PRKD1: variants seen among roughly 807,000 people sequenced by gnomAD.
PRKD1 encodes the protein protein kinase D1, also known as serine/threonine-protein kinase D1.
PRKD1 carries 63 observed loss-of-function variants against 95.9 expected under a neutral mutation model. The ratio of observed to expected loss-of-function variants is 0.66; its 90% confidence interval spans 0.54 to 0.81. The LOEUF (loss-of-function observed/expected upper bound fraction) is 0.81. Among genes scored for constraint, PRKD1 ranks in the 30% least tolerant of loss-of-function variants. The probability of loss-of-function intolerance (pLI) is 0.00; values close to 1 mark genes in which losing one functional copy is unlikely to be tolerated. For synonymous variants in PRKD1, 425 were observed against 423.1 expected, an observed-to-expected ratio of 1.00 and a Z score of -0.05; for missense variants, 1,048 against 1,165.3, an observed-to-expected ratio of 0.90 and a Z score of 1.47.
At chr14:29,777,884 A>C (rs1228977168) in intron 1 of PRKD1, among the ~76,000 whole-genome samples, 1 of 152,162 alleles carries the variant, frequency 6.6e-6, no homozygotes, top group African/African-American at 2.4e-5. Flanking sequence ...AATTGACCAC[A>C]AAGTTGGAAG....
chr14:29,637,142 A>G (rs913243328), intron 6 of PRKD1, among the ~76,000 whole-genome samples: 1 of 152,230 alleles, frequency 6.6e-6, no homozygotes, highest in Non-Finnish European at 1.5e-5. Flanking sequence ...GAAGCTGCTC[A>G]TATTTTAGAA....
chr14:29,775,163 G>A (rs536092517), intron 1 of PRKD1, among the ~76,000 whole-genome samples: 16 of 152,262 alleles, frequency 1.1e-4, no homozygotes, highest in East Asian at 1.9e-4. Context: ...TGAGAGGACC[G>A]AGAGGTTCCA....
intron 2 of PRKD1, among the ~76,000 whole-genome samples, chr14:29,684,276 G>A (rs974714514): frequency 2.0e-5 from 3 of 151,350 alleles, no homozygotes; most frequent in Non-Finnish European, 2.9e-5. Context: ...TCAGCCTCCC[G>A]AGTAGCTGGG....
chr14:29,867,518 A>G (rs1433190669), intron 1 of PRKD1, among the ~76,000 whole-genome samples: 1 of 152,246 alleles, frequency 6.6e-6, no homozygotes, highest in Non-Finnish European at 1.5e-5. Context: ...ATGAAATACA[A>G]TGAAATGAGG....
intron 2 of PRKD1, among the ~76,000 whole-genome samples, chr14:29,717,508 A>G (rs1179186217): frequency 2.6e-5 from 4 of 152,176 alleles, no homozygotes; most frequent in African/African-American, 4.8e-5. Context: ...CTGAAAATCA[A>G]CTACTTATGA....
intron 1 of PRKD1, among the ~76,000 whole-genome samples, chr14:29,765,094 A>G (rs1594496633): frequency 6.6e-6 from 1 of 152,202 alleles, no homozygotes; most frequent in Admixed American, 6.5e-5. Context: ...TGCCTGGCAG[A>G]AGCAAATATA....
chr14:29,831,744 C>T (rs768335412), intron 1 of PRKD1, among the ~76,000 whole-genome samples: 8 of 151,958 alleles, frequency 5.3e-5, no homozygotes, highest in Non-Finnish European at 1.0e-4. Flanking sequence ...TACATTCATC[C>T]CTTCCTAAGT....
chr14:29,626,512 A>G lies in PRKD1; in HGVS notation c.1770T>C (p.Gly590=), dbSNP rs1283345458. 2 of 1,612,680 alleles carry G rather than the reference A, an allele frequency of 1.2e-6. No homozygotes were observed. The highest frequency in any genetic ancestry group is 1.7e-6 in the Non-Finnish European group (2 of 1,179,368). ...VYQIFPDEVL[G]SGQFGIVYGG... ...CATAAACAATTCCAAACTGTCCAGA[A>G]CCCAGTACTTCATCAGGAAAAATCT... is the stretch of plus-strand genomic sequence containing the variant. The change falls in exon 12 of 18, where the codon GGT becomes GGC. Residue 590 remains glycine, a synonymous_variant. Transcript: ENST00000331968.
chr14:29,600,931 T>A (rs1384553541), intron 13 of PRKD1, among the ~76,000 whole-genome samples: 1 of 151,918 alleles, frequency 6.6e-6, no homozygotes, highest in African/African-American at 2.4e-5. Context: ...AAAAAAAAAT[T>A]ATATATTCCA....
intron 1 of PRKD1, among the ~76,000 whole-genome samples, chr14:29,779,009 G>T (rs145443841): frequency 1.3e-5 from 2 of 152,226 alleles, no homozygotes; most frequent in East Asian, 1.9e-4. Context: ...ACGTAATCCA[G>T]CATATAAACA....
intron 2 of PRKD1, among the ~76,000 whole-genome samples, chr14:29,720,779 C>CAAAAA (rs199687649): frequency 1.4e-5 from 2 of 146,860 alleles, no homozygotes; most frequent in African/African-American, 2.6e-5. Flanking sequence ...GATTCTGTCT[C>CAAAAA]AAAAAAAATA....
chr14:29,832,909 C>G (rs1469917623), intron 1 of PRKD1, among the ~76,000 whole-genome samples: 3 of 151,822 alleles, frequency 2.0e-5, no homozygotes, highest in African/African-American at 7.3e-5. Flanking sequence ...CCTTTTGTAC[C>G]TAGGTATCAC....
chr14:29,914,971 A>T lies in PRKD1; in HGVS notation c.264+12278T>A, dbSNP rs141532441. Among the ~76,000 whole-genome samples, 442 of 151,890 alleles carry T rather than the reference A, an allele frequency of 2.9e-3. 4 individuals are homozygous for T. The highest frequency in any genetic ancestry group is 4.7e-3 in the Non-Finnish European group (321 of 67,922). On this transcript the variant is annotated intron_variant, in intron 1 of 17. Coordinates refer to ENST00000331968, the MANE Select transcript of PRKD1 (RefSeq NM_002742.3). ...GATCTCCTGACCTTGTGATCTGCCC[A>T]CCTCAGTCTCCCAAAGTGCTGGGAT...
intron 4 of PRKD1, among the ~76,000 whole-genome samples, chr14:29,641,961 T>A (rs1470092023): frequency 6.8e-6 from 1 of 146,776 alleles, no homozygotes; most frequent in African/African-American, 2.5e-5. Context: ...TGCAGTGCAA[T>A]GGGGCATTCT....
intron 2 of PRKD1, among the ~76,000 whole-genome samples, chr14:29,680,642 C>A (rs1309066854): frequency 6.6e-6 from 1 of 152,092 alleles, no homozygotes; most frequent in African/African-American, 2.4e-5. Context: ...GAAGGGAAAG[C>A]CCAAGTTTTA....
chr14:29,819,738 A>T (rs1248612794), intron 1 of PRKD1, among the ~76,000 whole-genome samples: 1 of 152,154 alleles, frequency 6.6e-6, no homozygotes, highest in African/African-American at 2.4e-5. Flanking sequence ...AAATAAAATA[A>T]AGCAAATGGG....
Position 29,640,396 on chromosome 14 carries a change from T to G in PRKD1, c.697-1492A>C, listed in dbSNP as rs149549856. Reference sequence around the variant, plus strand: ...TACTATTACCAAAAGTGAAAACTATTATTTCCAGATTCACTAGCTACAGTA... The same window carrying G: ...TACTATTACCAAAAGTGAAAACTATGATTTCCAGATTCACTAGCTACAGTA... On this transcript the variant is annotated intron_variant, in intron 4 of 17. Transcript: ENST00000331968. Among the ~76,000 whole-genome samples, 1,240 of 152,304 alleles carry G rather than the reference T, an allele frequency of 8.1e-3. 20 individuals are homozygous for G. Among genetic ancestry groups the G allele is most frequent in the African/African-American group, 0.028 (1,158 of 41,562 alleles).
At chr14:29,616,444 TG>T (rs1464390604) in intron 13 of PRKD1, among the ~76,000 whole-genome samples, 1 of 103,864 alleles carries the variant, frequency 9.6e-6, no homozygotes, top group Non-Finnish European at 2.3e-5. Flanking sequence ...TTATCGTTTA[TG>T]GTTTTTTTTT....
chr14:29,764,415 A>G lies in PRKD1; in HGVS notation c.265-38741T>C, dbSNP rs113579481. On this transcript the variant is annotated intron_variant, in intron 1 of 17. Coordinates refer to ENST00000331968, the MANE Select transcript of PRKD1 (RefSeq NM_002742.3). ...CGACAGAGGTTAGCTAGAATGGAAG[A>G]CACCTCTCTATGATTCAATTTCTGC... Among the ~76,000 whole-genome samples, 32 of 152,350 alleles carry G rather than the reference A, an allele frequency of 2.1e-4. 1 individual carries two copies. Among genetic ancestry groups the G allele is most frequent in the African/African-American group, 7.7e-4 (32 of 41,584 alleles).
Sources: gnomAD v4.1 joint callset for allele counts (sites outside exome capture counted in the v4.1 genomes callset) on GRCh38, gnomAD v4.1.1 for gene constraint, MANE v1.5 for transcripts, NCBI Gene and HGNC (gene_info 2026-07-23, HGNC 2026-07-21) for gene names.